Variants in CBX1 observed in about 807,000 individuals in gnomAD.
CBX1 encodes chromobox protein homolog 1.
A neutral mutation model predicts 25.1 loss-of-function variants in CBX1; 10 were observed. That is an observed-to-expected ratio of 0.40 (90% confidence interval 0.25 to 0.68). CBX1 has a LOEUF of 0.68. Ranked by LOEUF, CBX1 falls within the 30% of genes least tolerant of loss-of-function variation. CBX1 has a pLI of 0.40. For synonymous variants in CBX1, 63 were observed against 79.4 expected (o/e 0.79, Z 1.10); for missense variants, 106 against 218.5 (o/e 0.49, Z 3.25).
rs894788004 is a variant in CBX1 at position 48,087,376 on chromosome 17, C to G, written c.-37-10335G>C. 2.6e-5 allele frequency among the ~76,000 whole-genome samples: 4 copies of G among 151,400 alleles called. No homozygotes were observed. In the Admixed American group the frequency reaches 2.6e-4, roughly 10 times the overall value. ...GGATCACGAGGTCAGGAGTTGAGAT[C>G]GGCCTGGCCAACATGGTGAAACCCC... On this transcript the variant is annotated intron_variant, in intron 1 of 4. Coordinates refer to ENST00000225603, the MANE Select transcript of CBX1 (RefSeq NM_001127228.2).
At chr17:48,091,182 G>C (rs1430433297) in intron 1 of CBX1, among the ~76,000 whole-genome samples, 1 of 152,204 alleles carries the variant, frequency 6.6e-6, no homozygotes, top group African/African-American at 2.4e-5. Flanking sequence ...TGGCCAGGTG[G>C]AAAGACCTCG....
intron 2 of CBX1, 136 bp downstream of exon 2, chr17:48,076,729 A>G (rs1473920314): frequency 1.3e-6 from 1 of 743,088 alleles, no homozygotes; most frequent in African/African-American, 1.8e-5. Flanking sequence ...AGTAGGCCAT[A>G]TTCCTAATTA....
At chr17:48,073,857 G>C (rs2037650728) in intron 4 of CBX1, among the ~76,000 whole-genome samples, 1 of 115,400 alleles carries the variant, frequency 8.7e-6, no homozygotes, top group Non-Finnish European at 1.8e-5. Flanking sequence ...ACAGTAGTGA[G>C]TCAACCAAAG....
At chr17:48,099,605 G>A (rs888967802) in intron 1 of CBX1, among the ~76,000 whole-genome samples, 3 of 152,086 alleles carry the variant, frequency 2.0e-5, no homozygotes, top group Admixed American at 6.6e-5. Context: ...GAGGAACACC[G>A]GCATTAATTT....
At chr17:48,085,876 G>C (rs752731066) in intron 1 of CBX1, among the ~76,000 whole-genome samples, 13 of 152,096 alleles carry the variant, frequency 8.5e-5, no homozygotes, top group Non-Finnish European at 1.6e-4. Context: ...AGAAAAACCT[G>C]GCCAACGTGG....
At chr17:48,093,106 A>G (rs1465456193) in intron 1 of CBX1, among the ~76,000 whole-genome samples, 2 of 148,734 alleles carry the variant, frequency 1.3e-5, no homozygotes, top group Non-Finnish European at 3.0e-5. Flanking sequence ...AAAAGAAAAG[A>G]AAGAAACAAA....
At chr17:48,094,292 G>A (rs1218912875) in intron 1 of CBX1, among the ~76,000 whole-genome samples, 1 of 151,914 alleles carries the variant, frequency 6.6e-6, no homozygotes, top group Non-Finnish European at 1.5e-5. Flanking sequence ...AAATCATCCA[G>A]GTGTGGTGGC....
intron 1 of CBX1, chr17:48,096,544 G>A (rs2063375983): frequency 5.3e-6 from 1 of 189,976 alleles, no homozygotes. Context: ...GGCTGAGGTG[G>A]GTGGATCACT....
chr17:48,084,963 G>A (rs1411254880), intron 1 of CBX1, among the ~76,000 whole-genome samples: 1 of 152,110 alleles, frequency 6.6e-6, no homozygotes, highest in Non-Finnish European at 1.5e-5. Context: ...GTTGAAGCTA[G>A]TAACTGAGTT....
chr17:48,097,883 T>C (rs1024431132), intron 1 of CBX1, among the ~76,000 whole-genome samples: 6 of 152,222 alleles, frequency 3.9e-5, no homozygotes, highest in Admixed American at 1.3e-4. Context: ...TGGTAAATTA[T>C]TGCTCAGGTC....
intron 1 of CBX1, among the ~76,000 whole-genome samples, chr17:48,094,560 G>A (rs915028490): frequency 1.3e-5 from 2 of 151,500 alleles, no homozygotes; most frequent in East Asian, 1.9e-4. Context: ...GTGAAACCCC[G>A]TGTCTACTAA....
At chr17:48,086,500 C>T (rs545367393) in intron 1 of CBX1, among the ~76,000 whole-genome samples, 1 of 152,268 alleles carries the variant, frequency 6.6e-6, no homozygotes, top group East Asian at 1.9e-4. Context: ...ATGGTAACAC[C>T]TACAGACCTA....
chr17:48,075,891 T>C (rs969246305), intron 3 of CBX1, 110 bp downstream of exon 3: 3 of 793,880 alleles, frequency 3.8e-6, no homozygotes, highest in Admixed American at 5.5e-5. Flanking sequence ...CTACCTAAGA[T>C]TTCAGGACTA....
intron 1 of CBX1, among the ~76,000 whole-genome samples, chr17:48,081,356 T>C (rs914448922): frequency 1.3e-5 from 2 of 152,148 alleles, no homozygotes; most frequent in African/African-American, 4.8e-5. Context: ...AGAGGAACAG[T>C]CATAGAATGG....
At chr17:48,085,935 T>C (rs541834421) in intron 1 of CBX1, among the ~76,000 whole-genome samples, 2 of 152,094 alleles carry the variant, frequency 1.3e-5, no homozygotes, top group Non-Finnish European at 2.9e-5. Context: ...CTGGTCACGG[T>C]GGCATGCACC....
chr17:48,074,968 GA>G (rs753983784), intron 4 of CBX1, 37 bp downstream of exon 4: 6 of 1,420,212 alleles, frequency 4.2e-6, no homozygotes, highest in South Asian at 1.2e-5. Context: ...AATGGGAGAA[GA>G]AAAAAAACAA....
At chr17:48,099,752 T>C (rs2063397492) in intron 1 of CBX1, among the ~76,000 whole-genome samples, 1 of 152,200 alleles carries the variant, frequency 6.6e-6, no homozygotes, top group Non-Finnish European at 1.5e-5. Context: ...TGATTATAGC[T>C]GAACTTTTTG....
chr17:48,095,401 C>A (rs563871426), intron 1 of CBX1, among the ~76,000 whole-genome samples: 2 of 152,194 alleles, frequency 1.3e-5, no homozygotes, highest in Non-Finnish European at 2.9e-5. Context: ...ACCAGCCTGA[C>A]CAACATGGAG....
At chr17:48,084,147 A>AT (rs2144447296) in intron 1 of CBX1, among the ~76,000 whole-genome samples, 1 of 130,760 alleles carries the variant, frequency 7.6e-6, no homozygotes, top group East Asian at 2.3e-4. Context: ...AATTTTTTCA[A>AT]TTTTTTCTGG....
Sources: gnomAD v4.1 joint callset for allele counts (sites outside exome capture counted in the v4.1 genomes callset) on GRCh38, gnomAD v4.1.1 for gene constraint, MANE v1.5 for transcripts, NCBI Gene and HGNC (gene_info 2026-07-23, HGNC 2026-07-21) for gene names.